Variants in CPVL observed in about 807,000 individuals in gnomAD.
CPVL encodes probable serine carboxypeptidase CPVL.
Under a neutral mutation model 63.7 loss-of-function variants are expected in CPVL, and 51 were observed. The ratio of observed to expected loss-of-function variants is 0.80; its 90% confidence interval spans 0.64 to 1.01. CPVL has a LOEUF of 1.01. Ranked by LOEUF, CPVL falls within the 50% of genes least tolerant of loss-of-function variation. The pLI is 0.00. For missense variants in CPVL, 530 were observed against 573.1 expected, an observed-to-expected ratio of 0.92 and a Z score of 0.77; for synonymous variants, 195 against 206.0, an observed-to-expected ratio of 0.95 and a Z score of 0.46.
At chr7:29,047,323 A>G (rs1789719873) in intron 11 of CPVL, among the ~76,000 whole-genome samples, 1 of 152,204 alleles carries the variant, frequency 6.6e-6, no homozygotes. Context: ...GTCAAGGGAA[A>G]TAGATTGCAT....
At position 29,037,270 on chromosome 7, in the gene CPVL, C is replaced by T. The variant is rs146086796; in HGVS notation, c.1138-6511G>A. ...AATGGGTATAAGAAAAGTGGCCAGG[C>T]GTGGTGGCTCACACCTATAATCCCA... On this transcript the variant is annotated intron_variant, in intron 11 of 12. Transcript: ENST00000265394. 5.1e-3 allele frequency among the ~76,000 whole-genome samples: 780 copies of T among 152,062 alleles called. 14 individuals carry two copies. Among genetic ancestry groups the T allele is most frequent in the Middle Eastern group, 0.02 (6 of 294 alleles).
At chr7:29,149,189 C>CTTTTTT (rs60520174), upstream of CPVL, among the ~76,000 whole-genome samples, 6 of 100,330 alleles carry the variant, frequency 6.0e-5, no homozygotes, top group African/African-American at 7.8e-5. Flanking sequence ...GTCTGTTTCC[C>CTTTTTT]TTTTTTTTTT....
intron 11 of CPVL, among the ~76,000 whole-genome samples, chr7:29,040,963 G>A (rs1384386846): frequency 1.3e-5 from 2 of 151,964 alleles, no homozygotes; most frequent in Non-Finnish European, 2.9e-5. Flanking sequence ...CGACTTTTAA[G>A]AATGATCCAG....
At chr7:29,146,623 C>T, upstream of CPVL, 1 of 1,550,526 alleles carries the variant, frequency 6.4e-7, no homozygotes, top group Non-Finnish European at 8.7e-7. Flanking sequence ...GTCGTCGTGT[C>T]CCAACCTCCT....
intron 12 of CPVL, among the ~76,000 whole-genome samples, chr7:29,003,108 T>A (rs73684536): frequency 0.014 from 2,081 of 151,674 alleles, 47 homozygotes; most frequent in African/African-American, 0.048. Flanking sequence ...ATAGTACACA[T>A]AATAGTATAT....
At chr7:29,077,650 C>T (rs1784360618) in intron 7 of CPVL, among the ~76,000 whole-genome samples, 2 of 152,170 alleles carry the variant, frequency 1.3e-5, no homozygotes. Flanking sequence ...CCTTTGTATC[C>T]CCAGAAGGCA....
At chr7:29,137,420 C>T (rs1233584713) in intron 1 of CPVL, among the ~76,000 whole-genome samples, 1 of 152,138 alleles carries the variant, frequency 6.6e-6, no homozygotes, top group Non-Finnish European at 1.5e-5. Flanking sequence ...GGGAAGCTGG[C>T]CACCTCACCC....
chr7:29,151,891 G>T (rs245893), intron 5 of CPVL, among the ~76,000 whole-genome samples: 2 of 152,078 alleles, frequency 1.3e-5, no homozygotes, highest in African/African-American at 2.4e-5. Context: ...ATAGCAAGCA[G>T]GTCATTCACT....
chr7:29,052,103 G>C (rs1200858847), intron 11 of CPVL, among the ~76,000 whole-genome samples: 1 of 151,878 alleles, frequency 6.6e-6, no homozygotes, highest in Non-Finnish European at 1.5e-5. Flanking sequence ...TAAGCTATGA[G>C]GACGCAAAGG....
At chr7:29,085,744 A>C (rs1307181331) in intron 7 of CPVL, among the ~76,000 whole-genome samples, 2 of 152,236 alleles carry the variant, frequency 1.3e-5, no homozygotes, top group African/African-American at 4.8e-5. Context: ...AACTGACTTC[A>C]TGTGCCTCCT....
At chr7:29,071,964 G>C in intron 8 of CPVL, 60 bp from the exon 9 acceptor site, 1 of 1,589,766 alleles carries the variant, frequency 6.3e-7, no homozygotes, top group Middle Eastern at 1.7e-4. Flanking sequence ...CCTTAAGGAA[G>C]CCCATTTGCT....
intron 5 of CPVL, among the ~76,000 whole-genome samples, chr7:29,178,087 T>C (rs922379045): frequency 1.3e-5 from 2 of 152,212 alleles, no homozygotes; most frequent in Non-Finnish European, 2.9e-5. Context: ...TGTCAGATTC[T>C]ACCCTAAGTC....
intron 7 of CPVL, among the ~76,000 whole-genome samples, chr7:29,081,796 A>T (rs1238563233): frequency 6.6e-6 from 1 of 152,216 alleles, no homozygotes; most frequent in Non-Finnish European, 1.5e-5. Context: ...GGTACTCACC[A>T]CAGCCAGTCA....
At chr7:29,119,951 C>G (rs1015886140) in intron 2 of CPVL, among the ~76,000 whole-genome samples, 3 of 152,132 alleles carry the variant, frequency 2.0e-5, no homozygotes, top group African/African-American at 4.8e-5. Context: ...AGCTTGGAAC[C>G]AGTGATTGAC....
intron 12 of CPVL, chr7:28,996,126 T>C: frequency 5.1e-6 from 2 of 395,448 alleles, no homozygotes; most frequent in Non-Finnish European, 4.4e-6. Flanking sequence ...TTCTCATGAG[T>C]GTAAAAATTG....
intron 1 of CPVL, among the ~76,000 whole-genome samples, chr7:29,123,749 A>G (rs1789686127): frequency 1.4e-5 from 2 of 140,804 alleles, no homozygotes; most frequent in South Asian, 4.6e-4. Flanking sequence ...GAAACCAATC[A>G]TGCCATCTAA....
chr7:29,141,444 G>T (rs1160973932), intron 1 of CPVL, among the ~76,000 whole-genome samples: 1 of 152,096 alleles, frequency 6.6e-6, no homozygotes, highest in East Asian at 1.9e-4. Context: ...CAGCTACTTG[G>T]GAAGGTGAGG....
intron 12 of CPVL, among the ~76,000 whole-genome samples, chr7:29,018,057 G>A (rs1270221847): frequency 1.3e-5 from 2 of 152,140 alleles, no homozygotes; most frequent in Non-Finnish European, 2.9e-5. Context: ...TATTGACAGT[G>A]AAAACATAAA....
At chr7:29,115,491 G>A (rs1436164754) in intron 2 of CPVL, among the ~76,000 whole-genome samples, 1 of 152,126 alleles carries the variant, frequency 6.6e-6, no homozygotes, top group African/African-American at 2.4e-5. Context: ...GCCATCTGTC[G>A]TTTTTCTTCT....
Sources: allele counts gnomAD v4.1 joint callset (sites outside exome capture counted in the v4.1 genomes callset), GRCh38; gene constraint gnomAD v4.1.1; transcripts MANE v1.5; gene names NCBI Gene and HGNC (gene_info 2026-07-23, HGNC 2026-07-21).